Variants in SYMPK observed in about 807,000 individuals in gnomAD.
SYMPK encodes symplekin scaffold protein.
A neutral mutation model predicts 136.4 loss-of-function variants in SYMPK; 49 were observed. The observed-to-expected ratio is 0.36, with a 90% CI of 0.29 to 0.46. The LOEUF is 0.46. SYMPK is among the 20% of genes least tolerant of loss of function. The probability of loss-of-function intolerance (pLI) is 1.00; values close to 1 mark genes in which losing one functional copy is unlikely to be tolerated. For missense variants in SYMPK, 1,365 were observed against 1,690.0 expected (o/e 0.81, Z 3.37); for synonymous variants, 766 against 713.0 (o/e 1.07, Z -1.19).
chr19:45,847,850 G>C lies in SYMPK; in HGVS notation c.578C>G (p.Thr193Ser). The change falls in exon 7 of 27, where the codon ACC (threonine) becomes AGC (serine). Residue 193 changes from threonine to serine, a missense_variant. By Grantham distance (58) the Thr-to-Ser change is moderately conservative. Coordinates refer to ENST00000245934, the MANE Select transcript of SYMPK (RefSeq NM_004819.3). Reference protein sequence around the residue: ...AIKFVEGLIVTLSPRMADSEI... With the variant: ...AIKFVEGLIVSLSPRMADSEI... Reference sequence around the variant, plus strand: ...TGAGTCAGCCATGCGGGGTGACAGGGTGACAATGAGGCCCTCCACAAACTT... The same window carrying C: ...TGAGTCAGCCATGCGGGGTGACAGGCTGACAATGAGGCCCTCCACAAACTT... 1.2e-6 allele frequency: 2 copies of C among 1,614,050 alleles called. No individual in the cohort carries two copies. The highest frequency in any genetic ancestry group is 1.7e-6 in the Non-Finnish European group (2 of 1,180,008).
At chr19:45,825,379 C>A in intron 17 of SYMPK, 48 bp from the exon 18 acceptor site, 1 of 1,582,128 alleles carries the variant, frequency 6.3e-7, no homozygotes, top group Non-Finnish European at 8.6e-7. Flanking sequence ...TCTTCTCCAA[C>A]CCCCTCGGAC....
intron 1 of SYMPK, among the ~76,000 whole-genome samples, chr19:45,861,111 C>A (rs1971956905): frequency 6.6e-6 from 1 of 152,166 alleles, no homozygotes; most frequent in South Asian, 2.1e-4. Flanking sequence ...AAAAAACAGG[C>A]CGGGCATGGT....
In SYMPK at chr19:45,844,172, G is replaced by C. The variant is rs1971508514; in HGVS notation, c.705C>G (p.Ala235=). Residue 235 remains alanine (A), a synonymous_variant, in exon 8 of 27, where the codon GCC becomes GCG. Coordinates refer to ENST00000245934, the MANE Select transcript of SYMPK (RefSeq NM_004819.3). ...CCATGAACTTAAGCAGCTGCTCCAA[G>C]GCTGCCTTGCCCTCTTCCCATAGCA... ...YNVLWEEGKA[A]LEQLLKFMVH... 1 of 1,609,448 alleles carries C rather than the reference G, an allele frequency of 6.2e-7. No individual in the cohort carries two copies. The highest frequency in any genetic ancestry group is 1.1e-5 in the South Asian group (1 of 90,028).
chr19:45,844,008 A>C, intron 8 of SYMPK, 22 bp downstream of exon 8: 2 of 876,678 alleles, frequency 2.3e-6, no homozygotes, highest in Non-Finnish European at 1.6e-6. Flanking sequence ...AGGCAGGGGG[A>C]GGGGGGAGGA....
chr19:45,816,679 A>T, intron 24 of SYMPK, 102 bp from the exon 25 acceptor site: 1 of 1,538,200 alleles, frequency 6.5e-7, no homozygotes, highest in Non-Finnish European at 8.7e-7. Context: ...AACTCCCAGC[A>T]GTGCAGGGCC....
At chr19:45,853,735 C>A (rs944440585) in intron 3 of SYMPK, among the ~76,000 whole-genome samples, 1 of 152,162 alleles carries the variant, frequency 6.6e-6, no homozygotes, top group African/African-American at 2.4e-5. Context: ...GTCAGGAGCT[C>A]CCTCTGGGCT....
In SYMPK at chr19:45,840,228, T is replaced by C. The variant is rs558234894; in HGVS notation, c.1088-1613A>G. 7.7e-5 allele frequency among the ~76,000 whole-genome samples: 11 copies of C among 143,276 alleles called. No individual in the cohort carries two copies. The South Asian group carries it at 1.7e-3, about 23-fold the overall frequency. 94.0% of individuals were successfully genotyped at this position (143,276 alleles called of 152,430 possible). On this transcript the variant is annotated intron_variant, in intron 9 of 26. Transcript: ENST00000245934. ...TACTCGGGAGGCTGAGGAGGGAGAA[T>C]CTCTTAAACCTGGGAGGCGGAGGTT...
At chr19:45,848,088 G>A (rs1386212412) in intron 6 of SYMPK, 87 bp from the exon 7 acceptor site, 42 of 1,452,118 alleles carry the variant, frequency 2.9e-5, no homozygotes, top group Non-Finnish European at 3.1e-5. Flanking sequence ...CCAATACCCA[G>A]AGAACCATGA....
intron 17 of SYMPK, among the ~76,000 whole-genome samples, chr19:45,825,636 C>CCT (rs1223091180): frequency 6.6e-6 from 1 of 152,364 alleles, no homozygotes. Flanking sequence ...CCCCCAGCTC[C>CCT]CTGCCTCACA....
At chr19:45,852,420 C>T (rs1217122372) in intron 4 of SYMPK, 35 bp from the exon 5 acceptor site, 2 of 1,613,896 alleles carry the variant, frequency 1.2e-6, no homozygotes, top group South Asian at 1.1e-5. Context: ...ATCAGGGCTA[C>T]ACAAGGATCC....
intron 11 of SYMPK, 96 bp from the exon 12 acceptor site, chr19:45,831,684 A>G (rs953993795): frequency 9.7e-7 from 1 of 1,029,744 alleles, no homozygotes; most frequent in African/African-American, 1.6e-5. Flanking sequence ...TGAGCCCTGT[A>G]CACACAAAAC....
Position 45,848,889 on chromosome 19 carries a change from GA to G in SYMPK, c.300-14del, listed in dbSNP as rs1971628553. On this transcript the variant is annotated splice_polypyrimidine_tract_variant and intron_variant, in intron 5 of 26. Transcript: ENST00000245934. ...AATGTCTCGCTTGCTGAGGGATGGA[GA>G]AAAAAGGGGCGAGGTCAAGGTGTGG... 1 of 1,613,528 alleles carries G rather than the reference GA, an allele frequency of 6.2e-7. No homozygotes were observed. The highest frequency in any genetic ancestry group is 1.3e-5 in the African/African-American group (1 of 74,886).
chr19:45,821,265 G>A lies in SYMPK; in HGVS notation c.2893+119C>T. On this transcript the variant is annotated intron_variant, in intron 22 of 26. Transcript: ENST00000245934. This position sits in a 1 kb window ranked among gnomAD's most constrained non-coding sequence, Gnocchi z 4.4. ...GGAGGTGGCTCTCCAGAGCTCTGAG[G>A]TGGGGCTGTGAGTGACAGTCTTTGA... 1 of 793,528 alleles carries A rather than the reference G, an allele frequency of 1.3e-6. No homozygotes were observed. Among genetic ancestry groups the A allele is most frequent in the Non-Finnish European group, 2.2e-6 (1 of 454,374 alleles). The allele number at this position is 793,528 out of a possible 1,614,324, so 49.2% of individuals were successfully genotyped here. A position where few individuals can be genotyped will look rare whatever the true frequency, so the allele number is the denominator to read the frequency against.
chr19:45,827,735 C>T (rs901095368), intron 15 of SYMPK, 102 bp downstream of exon 15: 1 of 1,517,448 alleles, frequency 6.6e-7, no homozygotes, highest in Non-Finnish European at 9.1e-7. Context: ...CGGTCCCTCA[C>T]AAAACCCCCG....
chr19:45,825,412 G>A (rs998650987), intron 17 of SYMPK, 81 bp from the exon 18 acceptor site: 9 of 1,511,504 alleles, frequency 6.0e-6, no homozygotes, highest in Non-Finnish European at 7.1e-6. Context: ...CCCTTCTTGG[G>A]CAGTGGAGCC....
At chr19:45,825,060 C>G in intron 18 of SYMPK, 111 bp downstream of exon 18, 1 of 1,410,020 alleles carries the variant, frequency 7.1e-7, no homozygotes, top group Non-Finnish European at 9.6e-7. Flanking sequence ...CCGGGGTGAC[C>G]ACCCTTCGGG....
Position 45,852,549 on chromosome 19 carries a change from G to A in SYMPK, c.172-14C>T, listed in dbSNP as rs1334320380. 3 of 1,614,084 alleles carry A rather than the reference G, an allele frequency of 1.9e-6. No homozygotes were observed. The highest frequency in any genetic ancestry group is 1.3e-5 in the African/African-American group (1 of 75,020). On this transcript the variant is annotated splice_polypyrimidine_tract_variant and intron_variant, in intron 3 of 26. Transcript: ENST00000245934. ...CAGCTCCTGGACCTGGAAGGAGATT[G>A]GGGGTGGGGAGGAGGAATACCCATA...
intron 16 of SYMPK, among the ~76,000 whole-genome samples, 155 bp downstream of exon 16, chr19:45,827,355 A>AACAT (rs149677007): frequency 0.081 from 12,210 of 151,546 alleles, 560 homozygotes; most frequent in Non-Finnish European, 0.1. Flanking sequence ...ATGAAAATAA[A>AACAT]ACAGACAGAA....
chr19:45,858,745 C>T (rs1344525099), intron 1 of SYMPK, among the ~76,000 whole-genome samples: 5 of 152,122 alleles, frequency 3.3e-5, no homozygotes, highest in Admixed American at 2.0e-4. Flanking sequence ...GAACTCCCGA[C>T]CTCAGGTGAT....
Sources: allele counts gnomAD v4.1 joint callset (sites outside exome capture counted in the v4.1 genomes callset), GRCh38; gene constraint gnomAD v4.1.1; non-coding constraint Gnocchi (gnomAD v3.1); transcripts MANE v1.5; gene names NCBI Gene and HGNC (gene_info 2026-07-23, HGNC 2026-07-21).